CAAP1: variants seen among roughly 807,000 people sequenced by gnomAD.
CAAP1 encodes the protein caspase activity and apoptosis inhibitor 1.
In CAAP1, 20 loss-of-function variants were observed where a neutral mutation model predicts 34.0. The observed-to-expected ratio is 0.59, with a 90% CI of 0.41 to 0.86. The LOEUF is 0.86. CAAP1 is among the 40% of genes least tolerant of loss of function. CAAP1 has a pLI of 0.00. For missense variants in CAAP1, 538 were observed against 450.5 expected (o/e 1.19, Z -1.76); for synonymous variants, 213 against 166.7 (o/e 1.28, Z -2.14).
At chr9:26,863,497 ATATCT>A (rs1475366052) in intron 4 of CAAP1, among the ~76,000 whole-genome samples, 4 of 152,174 alleles carry the variant, frequency 2.6e-5, no homozygotes, top group Admixed American at 6.5e-5. Context: ...CAAAAAGGAA[ATATCT>A]TAAATTGTAA....
chr9:26,863,772 TA>T (rs57763346), intron 4 of CAAP1, among the ~76,000 whole-genome samples: 63,221 of 111,824 alleles, frequency 0.57, 16,803 homozygotes, highest in Non-Finnish European at 0.6. Flanking sequence ...CCGTTTAAAT[TA>T]AAAAAAAAAA....
At chr9:26,859,736 C>T (rs1030751007) in intron 5 of CAAP1, among the ~76,000 whole-genome samples, 4 of 152,050 alleles carry the variant, frequency 2.6e-5, no homozygotes, top group Non-Finnish European at 5.9e-5. Context: ...TATGGCGGTG[C>T]TCAGAAGAAG....
Position 26,842,228 on chromosome 9 carries a change from T to C in CAAP1, c.*73A>G. 1 of 1,247,742 alleles carries C rather than the reference T, an allele frequency of 8.0e-7. No individual in the cohort carries two copies. The highest frequency in any genetic ancestry group is 1.1e-6 in the Non-Finnish European group (1 of 907,430). 77.3% of individuals were successfully genotyped at this position (1,247,742 alleles called of 1,614,324 possible). On this transcript the variant is annotated 3_prime_UTR_variant, in exon 6 of 6. Transcript: ENST00000333916. ...GAGAAATAACATATAAGACCCCAAATAAATTTTAGATACAAAATTAAATGA... is the reference window on the plus strand; with the variant it reads ...GAGAAATAACATATAAGACCCCAAACAAATTTTAGATACAAAATTAAATGA...
intron 1 of CAAP1, among the ~76,000 whole-genome samples, chr9:26,890,236 TGGCGGGC>T (rs1823866483): frequency 6.6e-6 from 1 of 151,934 alleles, no homozygotes; most frequent in Non-Finnish European, 1.5e-5. Context: ...CTGGCCATGG[TGGCGGGC>T]ACCTGTAATC....
chr9:26,843,125 T>G, intron 5 of CAAP1, among the ~76,000 whole-genome samples: 1 of 152,202 alleles, frequency 6.6e-6, no homozygotes, highest in East Asian at 1.9e-4. Flanking sequence ...ACATATGCAT[T>G]GCAATTATCC....
intron 5 of CAAP1, among the ~76,000 whole-genome samples, chr9:26,855,010 C>A (rs1822834312): frequency 6.6e-6 from 1 of 152,166 alleles, no homozygotes; most frequent in South Asian, 2.1e-4. Context: ...TGGTATTTAT[C>A]CAAATGGGTT....
rs1475393174 is a variant in CAAP1 at position 26,869,453 on chromosome 9, C to A, written c.666-8314G>T. On this transcript the variant is annotated intron_variant, in intron 4 of 5. Transcript: ENST00000333916. Reference sequence around the variant, plus strand: ...ATAGAGTTCCATATCATTCTACTCACATAAACCATTGTTGACATTTCTAGT... The same window carrying A: ...ATAGAGTTCCATATCATTCTACTCAAATAAACCATTGTTGACATTTCTAGT... Among the ~76,000 whole-genome samples the A allele has an allele frequency of 2.6e-5, 4 of 152,118 alleles. No individual in the cohort carries two copies. The South Asian group carries it at 8.3e-4, about 32-fold the overall frequency.
chr9:26,886,239 T>C (rs1176067610), intron 2 of CAAP1, 51 bp from the exon 3 acceptor site: 4 of 881,498 alleles, frequency 4.5e-6, no homozygotes, highest in Non-Finnish European at 3.3e-6. Flanking sequence ...ACAGCCCCAA[T>C]GTAAACTGGA....
At chr9:26,845,478 C>A (rs745739629) in intron 5 of CAAP1, among the ~76,000 whole-genome samples, 1 of 152,172 alleles carries the variant, frequency 6.6e-6, no homozygotes. Context: ...AGGGTTCAAG[C>A]GATTCTCCTG....
At chr9:26,866,699 G>A (rs1446227540) in intron 4 of CAAP1, among the ~76,000 whole-genome samples, 2 of 152,050 alleles carry the variant, frequency 1.3e-5, no homozygotes, top group African/African-American at 2.4e-5. Context: ...CCAGGTATAC[G>A]GATTGAATTC....
At chr9:26,885,081 T>TTTC (rs1375178038) in intron 3 of CAAP1, among the ~76,000 whole-genome samples, 196 bp from the exon 4 acceptor site, 1 of 149,152 alleles carries the variant, frequency 6.7e-6, no homozygotes, top group Non-Finnish European at 1.5e-5. Flanking sequence ...TTGCTTTTTT[T>TTTC]TTTTTTTTTT....
At chr9:26,857,828 G>T (rs546987457) in intron 5 of CAAP1, among the ~76,000 whole-genome samples, 1 of 152,128 alleles carries the variant, frequency 6.6e-6, no homozygotes, top group African/African-American at 2.4e-5. Flanking sequence ...AGTACTGCCG[G>T]TTTCAAAAAT....
chr9:26,885,152 C>T (rs767885651), intron 3 of CAAP1, among the ~76,000 whole-genome samples: 3 of 149,130 alleles, frequency 2.0e-5, no homozygotes, highest in Non-Finnish European at 3.0e-5. Context: ...CCTCGGCTCA[C>T]TGCAACCTCC....
chr9:26,856,164 ACT>A (rs951453804), intron 5 of CAAP1, among the ~76,000 whole-genome samples: 2 of 151,750 alleles, frequency 1.3e-5, no homozygotes, highest in African/African-American at 4.8e-5. Flanking sequence ...TTAAAGCAAA[ACT>A]CTGTGTGCAT....
chr9:26,892,769 A>T lies in CAAP1; in HGVS notation c.-54T>A, dbSNP rs779116298. 278 of 1,502,454 alleles carry T rather than the reference A, an allele frequency of 1.9e-4. No homozygotes were observed. Among genetic ancestry groups the T allele is most frequent in the Non-Finnish European group, 1.4e-4 (162 of 1,126,714 alleles). 93.1% of individuals were successfully genotyped at this position (1,502,454 alleles called of 1,614,324 possible). A position where few individuals can be genotyped will look rare whatever the true frequency, so the allele number is the denominator to read the frequency against. On this transcript the variant is annotated 5_prime_UTR_variant, in exon 1 of 6. Coordinates refer to ENST00000333916, the MANE Select transcript of CAAP1 (RefSeq NM_024828.4). ...AGTCCGCTGTCTCTGGTGCGACCGA[A>T]GCCCGACTCCTGCGGCCGTGGGCGG...
intron 4 of CAAP1, among the ~76,000 whole-genome samples, chr9:26,862,467 T>C (rs1289805547): frequency 6.6e-6 from 1 of 151,232 alleles, no homozygotes; most frequent in Non-Finnish European, 1.5e-5. Flanking sequence ...AAGAGGAGGA[T>C]GGATATATGT....
At chr9:26,852,815 T>C (rs1406362885) in intron 5 of CAAP1, among the ~76,000 whole-genome samples, 1 of 152,082 alleles carries the variant, frequency 6.6e-6, no homozygotes, top group Non-Finnish European at 1.5e-5. Flanking sequence ...AAAAAATTAG[T>C]ATCAACTAGT....
intron 5 of CAAP1, among the ~76,000 whole-genome samples, chr9:26,856,719 A>AT (rs1180372067): frequency 1.3e-5 from 2 of 152,002 alleles, no homozygotes; most frequent in African/African-American, 2.4e-5. Flanking sequence ...TATTGGTTCT[A>AT]TTTTTTTTCT....
chr9:26,883,670 T>C (rs960348188), intron 4 of CAAP1, among the ~76,000 whole-genome samples: 14 of 152,186 alleles, frequency 9.2e-5, no homozygotes, highest in African/African-American at 3.4e-4. Flanking sequence ...CAGGATTCTC[T>C]GTAAGTAGCA....
Sources: gnomAD v4.1 joint callset for allele counts (sites outside exome capture counted in the v4.1 genomes callset) on GRCh38, gnomAD v4.1.1 for gene constraint, MANE v1.5 for transcripts, NCBI Gene and HGNC (gene_info 2026-07-23, HGNC 2026-07-21) for gene names.